The following MLXIP variants were observed in gnomAD, a reference collection of about 807,000 sequenced individuals.
MLXIP encodes the protein MLX interacting protein, also known as MLX-interacting protein.
A neutral mutation model predicts 87.2 loss-of-function variants in MLXIP; 30 were observed. The observed-to-expected ratio is 0.34, with a 90% confidence interval of 0.26 to 0.47. The LOEUF (loss-of-function observed/expected upper bound fraction) is 0.47. MLXIP is among the 20% of genes least tolerant of loss of function. MLXIP has a pLI of 1.00. For missense variants in MLXIP, 1,002 were observed against 1,240.1 expected (o/e 0.81, Z 2.88); for synonymous variants, 530 against 514.0 (o/e 1.03, Z -0.42).
At position 122,145,851 on chromosome 12, in the gene MLXIP, C is replaced by G. The variant is rs1044026446; in HGVS notation, c.*4039C>G. The G allele has an allele frequency of 3.9e-5, 6 of 152,314 alleles. No homozygotes were observed. Among genetic ancestry groups the G allele is most frequent in the Admixed American group, 2.6e-4 (4 of 15,282 alleles). 9.4% of individuals were successfully genotyped at this position (152,314 alleles called of 1,614,324 possible). A position where few individuals can be genotyped will look rare whatever the true frequency, so the allele number is the denominator to read the frequency against. On this transcript the variant is annotated 3_prime_UTR_variant, in exon 17 of 17. Transcript: ENST00000319080. ...TCCAGCTCTTTTCCTTACCCTGGCT[C>G]TGACGTGGGAAGGCTTGGAGGGCCC...
intron 1 of MLXIP, among the ~76,000 whole-genome samples, chr12:122,118,210 G>A (rs752991120): frequency 6.6e-5 from 10 of 152,138 alleles, no homozygotes; most frequent in Admixed American, 2.0e-4. Context: ...GGGACAGAGC[G>A]GTACGGCGTG....
chr12:122,118,771 C>T (rs899833243), intron 1 of MLXIP, among the ~76,000 whole-genome samples: 3 of 151,430 alleles, frequency 2.0e-5, no homozygotes, highest in Non-Finnish European at 4.4e-5. Flanking sequence ...TTGCTTGAAC[C>T]CGGGAGGCGG....
At chr12:122,126,722 C>T (rs767131237) in intron 1 of MLXIP, among the ~76,000 whole-genome samples, 9 of 152,118 alleles carry the variant, frequency 5.9e-5, no homozygotes, top group Non-Finnish European at 1.2e-4. Context: ...CCAAAGTAGA[C>T]GGAAGAATGT....
intron 1 of MLXIP, among the ~76,000 whole-genome samples, chr12:122,105,695 A>G (rs1952507663): frequency 6.7e-6 from 1 of 149,776 alleles, no homozygotes; most frequent in Non-Finnish European, 1.5e-5. Context: ...TCTCTCAAAA[A>G]CTTCCCTTTT....
intron 9 of MLXIP, chr12:122,134,237 C>A: frequency 1.9e-6 from 1 of 525,438 alleles, no homozygotes. Context: ...CTCTGTTGCC[C>A]AGGCTGGAGT....
chr12:122,142,127 G>T lies in MLXIP; in HGVS notation c.*315G>T. The stretch of plus-strand genomic sequence containing the variant: ...CCGTGCTGGTCCTGCCCTGCTGGTG[G>T]CCTGCCGGGCCTGGCGCCGGTGAGC... On this transcript the variant is annotated 3_prime_UTR_variant, in exon 17 of 17. Coordinates refer to ENST00000319080, the MANE Select transcript of MLXIP (RefSeq NM_014938.6). The T allele has an allele frequency of 1.4e-6, 1 of 701,010 alleles. No individual in the cohort carries two copies. The highest frequency in any genetic ancestry group is 2.6e-6 in the Non-Finnish European group (1 of 384,776). 43.4% of individuals were successfully genotyped at this position (701,010 alleles called of 1,614,324 possible).
At chr12:122,085,366 A>G (rs370713604) in intron 1 of MLXIP, among the ~76,000 whole-genome samples, 2 of 151,154 alleles carry the variant, frequency 1.3e-5, no homozygotes, top group Non-Finnish European at 2.9e-5. Context: ...TGAAAGGGAC[A>G]CTCAGGGACC....
chr12:122,143,705 G>A lies in MLXIP; in HGVS notation c.*1893G>A, dbSNP rs1953250619. On this transcript the variant is annotated 3_prime_UTR_variant, in exon 17 of 17. Coordinates refer to ENST00000319080, the MANE Select transcript of MLXIP (RefSeq NM_014938.6). ...TGTAAAACGTGTAGATAACCGCAGT[G>A]GTTGGCTGAGCCAAGAACTCTCCTA... 6.6e-6 allele frequency: 1 copy of A among 151,948 alleles called. No individual in the cohort carries two copies. The highest frequency in any genetic ancestry group is 1.5e-5 in the Non-Finnish European group (1 of 68,004). The allele number at this position is 151,948 out of a possible 1,614,324, so 9.4% of individuals were successfully genotyped here. A position where few individuals can be genotyped will look rare whatever the true frequency, so the allele number is the denominator to read the frequency against.
chr12:122,099,976 C>CTG (rs1952413152), intron 1 of MLXIP, among the ~76,000 whole-genome samples: 1 of 152,146 alleles, frequency 6.6e-6, no homozygotes, highest in Non-Finnish European at 1.5e-5. Context: ...TGTGGTTATA[C>CTG]CCCGACATTT....
intron 1 of MLXIP, among the ~76,000 whole-genome samples, chr12:122,084,827 C>T (rs1038984440): frequency 2.6e-5 from 4 of 152,182 alleles, no homozygotes; most frequent in African/African-American, 9.7e-5. Flanking sequence ...AGGTTACAGG[C>T]GTGAGCCACT....
At chr12:122,116,970 C>T (rs1205814199) in intron 1 of MLXIP, among the ~76,000 whole-genome samples, 1 of 152,222 alleles carries the variant, frequency 6.6e-6, no homozygotes, top group Non-Finnish European at 1.5e-5. Context: ...GGTGAAGTCA[C>T]CATTGCAGGC....
chr12:122,087,149 C>T (rs1231212959), intron 1 of MLXIP, among the ~76,000 whole-genome samples: 2 of 152,192 alleles, frequency 1.3e-5, no homozygotes, highest in Non-Finnish European at 2.9e-5. Context: ...GAGCATGAGG[C>T]TGGCTATGAT....
chr12:122,105,393 G>T (rs1486070651), intron 1 of MLXIP, among the ~76,000 whole-genome samples: 1 of 151,764 alleles, frequency 6.6e-6, no homozygotes, highest in Non-Finnish European at 1.5e-5. Context: ...TGTTGCCCAG[G>T]CTGGAGTGCA....
rs113690637 is a variant in MLXIP, at chr12:122,124,111, C to A, written c.414-3145C>A. Among the ~76,000 whole-genome samples the A allele has an allele frequency of 5.2e-3, 797 of 152,022 alleles. 2 individuals are homozygous for A. Among genetic ancestry groups the A allele is most frequent in the African/African-American group, 0.018 (752 of 41,406 alleles). ...AGCACAGAGGCATGACGTGTGCTCCCACCCAAGGCGTGCTGCATGAGGGGA... is the reference window on the plus strand; with the variant it reads ...AGCACAGAGGCATGACGTGTGCTCCAACCCAAGGCGTGCTGCATGAGGGGA... On this transcript the variant is annotated intron_variant, in intron 1 of 16. Transcript: ENST00000319080.
chr12:122,115,595 A>AAAG (rs1952678697), intron 1 of MLXIP, among the ~76,000 whole-genome samples: 1 of 151,018 alleles, frequency 6.6e-6, no homozygotes, highest in Non-Finnish European at 1.5e-5. Flanking sequence ...TCTCAAAAAA[A>AAAG]AAAAAAAAAA....
In MLXIP at chr12:122,133,882, C is replaced by T. The variant is rs2135982746; in HGVS notation, c.1627C>T (p.Pro543Ser). The change falls in exon 9 of 17, where the codon CCT (proline) becomes TCT (serine). Residue 543 changes from proline to serine, a missense_variant. Pro to Ser is a moderately conservative substitution (Grantham distance 74, BLOSUM62 -1). Coordinates refer to ENST00000319080, the MANE Select transcript of MLXIP (RefSeq NM_014938.6). This position sits in a 1 kb window ranked among gnomAD's most constrained non-coding sequence, Gnocchi z 4.9. ...QPRLTFVHPKPVSLTGGRPKQ... is the reference protein window; with the variant it reads ...QPRLTFVHPKSVSLTGGRPKQ... ...ACGGTTAACTTTTGTGCACCCCAAA[C>T]CTGTATCCTTGACTGGGGGCAGGCC... is the stretch of plus-strand genomic sequence containing the variant. The T allele has an allele frequency of 6.2e-7, 1 of 1,612,074 alleles. No individual in the cohort carries two copies. The highest frequency in any genetic ancestry group is 8.5e-7 in the Non-Finnish European group (1 of 1,179,244).
chr12:122,084,843 C>T (rs141625325), intron 1 of MLXIP, among the ~76,000 whole-genome samples: 2 of 152,272 alleles, frequency 1.3e-5, no homozygotes, highest in East Asian at 1.9e-4. Flanking sequence ...CCACTGTGCC[C>T]GGCCTCTTAA....
chr12:122,106,929 A>T (rs773889239), intron 1 of MLXIP, among the ~76,000 whole-genome samples: 2 of 152,116 alleles, frequency 1.3e-5, no homozygotes, highest in East Asian at 1.9e-4. Flanking sequence ...CCATAGATTC[A>T]TGGAGCTGAA....
intron 1 of MLXIP, among the ~76,000 whole-genome samples, chr12:122,096,607 CTG>C (rs1241253478): frequency 6.6e-6 from 1 of 152,194 alleles, no homozygotes; most frequent in African/African-American, 2.4e-5. Flanking sequence ...GAACGGTGGC[CTG>C]TTTATTCTGA....
Sources: gnomAD v4.1 joint callset for allele counts (sites outside exome capture counted in the v4.1 genomes callset) on GRCh38, gnomAD v4.1.1 for gene constraint, Gnocchi (gnomAD v3.1) non-coding constraint, MANE v1.5 for transcripts, NCBI Gene and HGNC (gene_info 2026-07-23, HGNC 2026-07-21) for gene names.